RSRC1: variants seen among roughly 807,000 people sequenced by gnomAD.
RSRC1 encodes arginine and serine rich coiled-coil 1, also known as serine/Arginine-related protein 53.
RSRC1 carries 39 observed loss-of-function variants against 49.1 expected under a neutral mutation model. The ratio of observed to expected loss-of-function variants is 0.79; its 90% CI spans 0.61 to 1.04. RSRC1 has a LOEUF of 1.04. RSRC1 is among the 50% of genes least tolerant of loss of function. RSRC1 has a pLI of 0.00. For synonymous variants in RSRC1, 143 were observed against 130.8 expected, an observed-to-expected ratio of 1.09 and a Z score of -0.63; for missense variants, 388 against 402.4, an observed-to-expected ratio of 0.96 and a Z score of 0.31.
chr3:158,250,241 T>C (rs1274067712), intron 4 of RSRC1, among the ~76,000 whole-genome samples: 2 of 152,220 alleles, frequency 1.3e-5, no homozygotes, highest in African/African-American at 4.8e-5. Context: ...GGTTGTTTCC[T>C]AATCTTGGCT....
chr3:158,198,396 A>G (rs1170907674), intron 3 of RSRC1, among the ~76,000 whole-genome samples: 1 of 151,980 alleles, frequency 6.6e-6, no homozygotes, highest in South Asian at 2.1e-4. Flanking sequence ...TCTGCATGTG[A>G]GATGGATTTC....
At chr3:158,397,374 A>G (rs1733668196) in intron 6 of RSRC1, among the ~76,000 whole-genome samples, 1 of 152,178 alleles carries the variant, frequency 6.6e-6, no homozygotes, top group South Asian at 2.1e-4. Flanking sequence ...AGTTTGGTTC[A>G]GTTAATTTCA....
chr3:158,140,258 T>G (rs1716660779), intron 3 of RSRC1, among the ~76,000 whole-genome samples: 1 of 152,240 alleles, frequency 6.6e-6, no homozygotes, highest in African/African-American at 2.4e-5. Flanking sequence ...GCTGTAGATT[T>G]AAAAGTTTTA....
chr3:158,410,335 C>G lies in RSRC1; in HGVS notation c.584-50600C>G, dbSNP rs1289801702. ...GAAATACTTACCTCTTCCCTCTCTCCCAGATGAATTTAGGCTTATTATTAA... is the reference window on the plus strand; with the variant it reads ...GAAATACTTACCTCTTCCCTCTCTCGCAGATGAATTTAGGCTTATTATTAA... On this transcript the variant is annotated intron_variant, in intron 6 of 9. Coordinates refer to ENST00000611884, the MANE Select transcript of RSRC1 (RefSeq NM_001271838.2). 2.6e-5 allele frequency among the ~76,000 whole-genome samples: 4 copies of G among 152,200 alleles called. No individual in the cohort carries two copies. In the South Asian group the frequency reaches 6.2e-4, roughly 24 times the overall value.
chr3:158,276,131 GC>G (rs1397697219), intron 4 of RSRC1: 27 of 927,396 alleles, frequency 2.9e-5, no homozygotes, highest in Non-Finnish European at 4.2e-5. Flanking sequence ...ACGGACTGAA[GC>G]TGTGAGCAAA....
chr3:158,147,575 G>A (rs533866325), intron 3 of RSRC1, among the ~76,000 whole-genome samples: 82 of 151,298 alleles, frequency 5.4e-4, no homozygotes, highest in African/African-American at 1.8e-3. Flanking sequence ...CAAAGTAGCA[G>A]TTTTCATTTT....
chr3:158,477,430 C>T (rs767348303), intron 7 of RSRC1, among the ~76,000 whole-genome samples: 1 of 152,082 alleles, frequency 6.6e-6, no homozygotes, highest in Non-Finnish European at 1.5e-5. Context: ...GTGACCACCA[C>T]CTTGATCAGT....
chr3:158,530,005 C>CT (rs1712288163), intron 7 of RSRC1, among the ~76,000 whole-genome samples: 1 of 151,844 alleles, frequency 6.6e-6, no homozygotes, highest in Non-Finnish European at 1.5e-5. Flanking sequence ...GTGCACAGGC[C>CT]TGTCCTCCAC....
chr3:158,269,313 A>C (rs555127452), intron 4 of RSRC1, among the ~76,000 whole-genome samples: 1 of 152,296 alleles, frequency 6.6e-6, no homozygotes, highest in South Asian at 2.1e-4. Context: ...TACTTCATTT[A>C]AATTTTTGTG....
intron 4 of RSRC1, among the ~76,000 whole-genome samples, chr3:158,256,958 T>G (rs1724597981): frequency 6.6e-6 from 1 of 152,166 alleles, no homozygotes; most frequent in African/African-American, 2.4e-5. Context: ...AATTCTTCTC[T>G]CTTTTCTTCT....
chr3:158,402,169 T>A (rs1658803357), intron 6 of RSRC1, among the ~76,000 whole-genome samples: 2 of 152,028 alleles, frequency 1.3e-5, no homozygotes, highest in African/African-American at 4.8e-5. Flanking sequence ...TTTCAGTGCT[T>A]CCATCATTCA....
intron 3 of RSRC1, among the ~76,000 whole-genome samples, chr3:158,146,523 C>T (rs1034523650): frequency 2.5e-4 from 38 of 152,146 alleles, no homozygotes; most frequent in African/African-American, 8.2e-4. Context: ...CTGCTGGGTT[C>T]GGTTTGCCAG....
intron 6 of RSRC1, among the ~76,000 whole-genome samples, chr3:158,433,608 G>T (rs961171025): frequency 6.6e-6 from 1 of 151,928 alleles, no homozygotes; most frequent in East Asian, 1.9e-4. Flanking sequence ...ATATTACTTA[G>T]TAGTAGCTAA....
intron 6 of RSRC1, among the ~76,000 whole-genome samples, chr3:158,456,464 C>T (rs1470888610): frequency 6.6e-6 from 1 of 152,094 alleles, no homozygotes; most frequent in Non-Finnish European, 1.5e-5. Flanking sequence ...TAAACACTGA[C>T]AATTTCTGTC....
At chr3:158,177,712 C>T (rs1433663093) in intron 3 of RSRC1, among the ~76,000 whole-genome samples, 5 of 152,072 alleles carry the variant, frequency 3.3e-5, no homozygotes, top group Non-Finnish European at 7.4e-5. Context: ...TTGATGGGTG[C>T]AGAAAACCAA....
intron 6 of RSRC1, among the ~76,000 whole-genome samples, chr3:158,405,231 C>G (rs1165660264): frequency 1.3e-5 from 2 of 151,982 alleles, no homozygotes. Context: ...TAAATTAATG[C>G]AGTTATCATG....
intron 6 of RSRC1, among the ~76,000 whole-genome samples, chr3:158,403,227 G>C (rs1414437140): frequency 6.6e-6 from 1 of 151,794 alleles, no homozygotes; most frequent in Non-Finnish European, 1.5e-5. Flanking sequence ...TATTTAGATA[G>C]CTGGCAATAA....
intron 3 of RSRC1, among the ~76,000 whole-genome samples, chr3:158,199,236 T>A (rs1720876708): frequency 6.6e-6 from 1 of 152,206 alleles, no homozygotes; most frequent in Admixed American, 6.5e-5. Flanking sequence ...CCCAGCCATG[T>A]GGAAATGTAG....
chr3:158,242,009 CTT>C (rs1304472088), intron 4 of RSRC1, among the ~76,000 whole-genome samples: 1 of 28,768 alleles, frequency 3.5e-5, no homozygotes, highest in Non-Finnish European at 8.2e-5. Flanking sequence ...CATTTTCATT[CTT>C]TGTTTTTCTT....
Sources: gnomAD v4.1 joint callset for allele counts (sites outside exome capture counted in the v4.1 genomes callset) on GRCh38, gnomAD v4.1.1 for gene constraint, MANE v1.5 for transcripts, NCBI Gene and HGNC (gene_info 2026-07-23, HGNC 2026-07-21) for gene names.